ABCB1: variants seen among roughly 807,000 people sequenced by gnomAD.
ABCB1 encodes the protein ATP binding cassette subfamily B member 1.
ABCB1 carries 69 observed loss-of-function variants against 142.0 expected under a neutral mutation model. The observed-to-expected ratio is 0.49, with a 90% CI of 0.40 to 0.59. The LOEUF (loss-of-function observed/expected upper bound fraction) is 0.59. Among genes scored for constraint, ABCB1 ranks in the 20% least tolerant of loss-of-function variants. ABCB1 has a pLI of 0.00. For missense variants in ABCB1, 1,326 were observed against 1,554.7 expected (o/e 0.85, Z 2.47); for synonymous variants, 532 against 539.2 (o/e 0.99, Z 0.18).
rs762504646 is a variant in ABCB1 at position 87,504,363 on chromosome 7, G to A, written c.3723C>T (p.Asp1241=). ...TGCCATTCTGAAACACCACTATTAA[G>A]TCTGCATTCTGGATGGTGGACAGGC... The part of the protein sequence containing the change: ...AHRLSTIQNA[D]LIVVFQNGRV... Residue 1241 remains aspartate (D), a synonymous_variant, in exon 28 of 28, where the codon GAC becomes GAT. Coordinates refer to ENST00000622132, the MANE Select transcript of ABCB1 (RefSeq NM_001348946.2). 3 of 1,613,990 alleles carry A rather than the reference G, an allele frequency of 1.9e-6. No homozygotes were observed. The highest frequency in any genetic ancestry group is 2.5e-6 in the Non-Finnish European group (3 of 1,180,002).
At chr7:87,575,500 T>C (rs1430919362) in intron 4 of ABCB1, among the ~76,000 whole-genome samples, 1 of 152,164 alleles carries the variant, frequency 6.6e-6, no homozygotes, top group African/African-American at 2.4e-5. Flanking sequence ...TGCTGACCTA[T>C]TTAGCACAGT....
chr7:87,581,951 A>G (rs1373936472), intron 4 of ABCB1, among the ~76,000 whole-genome samples: 1 of 152,168 alleles, frequency 6.6e-6, no homozygotes, highest in Non-Finnish European at 1.5e-5. Context: ...CTCCCTCCAC[A>G]GGCATGACAG....
At chr7:87,567,528 T>A (rs1817830631) in intron 5 of ABCB1, among the ~76,000 whole-genome samples, 1 of 152,134 alleles carries the variant, frequency 6.6e-6, no homozygotes, top group East Asian at 1.9e-4. Flanking sequence ...ATGGAAATAA[T>A]CCCTTGGCCT....
chr7:87,683,572 G>A (rs542305434), intron 1 of ABCB1, among the ~76,000 whole-genome samples: 5 of 152,210 alleles, frequency 3.3e-5, no homozygotes, highest in East Asian at 3.9e-4. Flanking sequence ...GGAAATGGCC[G>A]GTAGCTGGAG....
At chr7:87,558,504 G>A (rs1817408788) in intron 8 of ABCB1, among the ~76,000 whole-genome samples, 1 of 151,358 alleles carries the variant, frequency 6.6e-6, no homozygotes, top group Non-Finnish European at 1.5e-5. Flanking sequence ...AATACTTACT[G>A]TTTTTCTTTT....
intron 4 of ABCB1, among the ~76,000 whole-genome samples, chr7:87,581,687 C>T (rs1818514585): frequency 6.6e-6 from 1 of 152,166 alleles, no homozygotes. Context: ...TCTATTGCAG[C>T]AACAGAGAAG....
chr7:87,590,006 G>C (rs1299154951), intron 3 of ABCB1, among the ~76,000 whole-genome samples: 2 of 152,202 alleles, frequency 1.3e-5, no homozygotes, highest in Non-Finnish European at 2.9e-5. Flanking sequence ...GTACTGACAG[G>C]AGAGAGGTTT....
At chr7:87,541,229 T>G in intron 18 of ABCB1, 128 bp downstream of exon 18, 1 of 676,908 alleles carries the variant, frequency 1.5e-6, no homozygotes, top group Non-Finnish European at 2.6e-6. Flanking sequence ...CAGAAAAACT[T>G]GGCTGTTAGT....
At chr7:87,589,721 C>A (rs1352956829) in intron 3 of ABCB1, among the ~76,000 whole-genome samples, 1 of 150,608 alleles carries the variant, frequency 6.6e-6, no homozygotes, top group Non-Finnish European at 1.5e-5. Context: ...GGTGGTTGAA[C>A]CTGCAGTGAG....
At position 87,512,998 on chromosome 7, in the gene ABCB1, C is replaced by T. The variant is rs907550276; in HGVS notation, c.3282+2233G>A. 3.9e-5 allele frequency among the ~76,000 whole-genome samples: 6 copies of T among 152,212 alleles called. No homozygotes were observed. The South Asian group carries it at 1.2e-3, about 32-fold the overall frequency. Reference sequence around the variant, plus strand: ...GTTTCCCTTGGTTCTGGAAGTAAGTCAGGGTCTACGAGGGAGATGCACAGT... The same window carrying T: ...GTTTCCCTTGGTTCTGGAAGTAAGTTAGGGTCTACGAGGGAGATGCACAGT... On this transcript the variant is annotated intron_variant, in intron 25 of 27. Transcript: ENST00000622132.
intron 1 of ABCB1, among the ~76,000 whole-genome samples, chr7:87,676,091 G>A (rs1826326949): frequency 6.6e-6 from 1 of 152,060 alleles, no homozygotes; most frequent in Non-Finnish European, 1.5e-5. Context: ...GCCAGACGTG[G>A]TGGCATGCAC....
chr7:87,629,739 A>G (rs1279104858), intron 1 of ABCB1, among the ~76,000 whole-genome samples: 3 of 151,950 alleles, frequency 2.0e-5, no homozygotes, highest in Non-Finnish European at 4.4e-5. Flanking sequence ...AGCCTGGCCA[A>G]CATAGTGAAA....
chr7:87,553,702 T>C, intron 9 of ABCB1, 59 bp downstream of exon 9: 1 of 1,525,352 alleles, frequency 6.6e-7, no homozygotes, highest in Non-Finnish European at 9.1e-7. Context: ...CAAGCCAACA[T>C]TACTGGATTT....
rs201178758 is a variant in ABCB1, at chr7:87,550,013, C to G, written c.1392G>C (p.Arg464Ser). Reference protein sequence around the residue: ...DGQDIRTINVRFLREIIGVVS... With the variant: ...DGQDIRTINVSFLREIIGVVS... ...CCACACCAATGATTTCCCGTAGAAA[C>G]CTTACATTTATGGTCCTAATATCCT... The change falls in exon 13 of 28, where the codon AGG becomes AGC. Residue 464 changes from arginine to serine, a missense_variant. Coordinates refer to ENST00000622132, the MANE Select transcript of ABCB1 (RefSeq NM_001348946.2). 1.1e-5 allele frequency: 17 copies of G among 1,614,078 alleles called. No individual in the cohort carries two copies. The highest frequency in any genetic ancestry group is 1.4e-5 in the Non-Finnish European group (16 of 1,180,044).
chr7:87,566,081 C>T lies in ABCB1; in HGVS notation c.691G>A (p.Val231Ile). The change falls in exon 7 of 28, where the codon GTC becomes ATC. Residue 231 changes from valine to isoleucine, a missense_variant. Val to Ile is a conservative substitution (Grantham distance 29, BLOSUM62 3). Coordinates refer to ENST00000622132, the MANE Select transcript of ABCB1 (RefSeq NM_001348946.2). ...ISPVLGLSAA[V>I]WAKILSSFTD... ...CAGGCTTCACCTACCTTTGCCCAGA[C>T]AGCAGCTGACAGTCCAAGAACAGGA... 1 of 1,614,176 alleles carries T rather than the reference C, an allele frequency of 6.2e-7. No individual in the cohort carries two copies. Among genetic ancestry groups the T allele is most frequent in the Non-Finnish European group, 8.5e-7 (1 of 1,180,012 alleles).
At chr7:87,527,400 G>A (rs954017596) in intron 21 of ABCB1, among the ~76,000 whole-genome samples, 2 of 152,116 alleles carry the variant, frequency 1.3e-5, no homozygotes, top group South Asian at 2.1e-4. Flanking sequence ...TGGCTTTTAC[G>A]AATTTTGTTT....
At chr7:87,708,392 T>C (rs1400904163) in intron 1 of ABCB1, among the ~76,000 whole-genome samples, 1 of 152,072 alleles carries the variant, frequency 6.6e-6, no homozygotes, top group African/African-American at 2.4e-5. Context: ...ATTTGAAAAT[T>C]TAGAAGAAAT....
chr7:87,544,510 C>A (rs1325493047), intron 16 of ABCB1, among the ~76,000 whole-genome samples: 1 of 152,154 alleles, frequency 6.6e-6, no homozygotes, highest in African/African-American at 2.4e-5. Flanking sequence ...GATGTTTCCA[C>A]AAACACTTAC....
At chr7:87,656,173 A>T (rs1824081162) in intron 1 of ABCB1, among the ~76,000 whole-genome samples, 1 of 152,184 alleles carries the variant, frequency 6.6e-6, no homozygotes, top group Non-Finnish European at 1.5e-5. Flanking sequence ...TAATTTGTTA[A>T]TTAGTACAAT....
Sources: allele counts gnomAD v4.1 joint callset (sites outside exome capture counted in the v4.1 genomes callset), GRCh38; gene constraint gnomAD v4.1.1; transcripts MANE v1.5; gene names NCBI Gene and HGNC (gene_info 2026-07-23, HGNC 2026-07-21).